The following LARGE1 variants were observed in gnomAD, a reference collection of about 807,000 sequenced individuals.
The protein encoded by LARGE1 is xylosyl- and glucuronyltransferase LARGE1.
LARGE1 carries 43 observed loss-of-function variants against 87.6 expected under a neutral mutation model. The ratio of observed to expected loss-of-function variants is 0.49; its 90% confidence interval spans 0.38 to 0.63. LARGE1 has a LOEUF of 0.63. LARGE1 is among the 30% of genes least tolerant of loss of function. The pLI, the probability that LARGE1 is intolerant of heterozygous loss-of-function variation, is 0.00. For synonymous variants in LARGE1, 434 were observed against 394.6 expected (o/e 1.10, Z -1.18); for missense variants, 802 against 1,000.2 (o/e 0.80, Z 2.67).
chr22:33,439,228 A>C (rs1225871345), intron 6 of LARGE1, among the ~76,000 whole-genome samples: 10 of 151,812 alleles, frequency 6.6e-5, no homozygotes, highest in Non-Finnish European at 1.5e-4. Flanking sequence ...AAAAAAAAAA[A>C]AGGATGACAG....
In LARGE1 at chr22:33,337,725, G is replaced by A; in HGVS notation, c.1208C>T (p.Thr403Ile). 1 of 1,614,170 alleles carries A rather than the reference G, an allele frequency of 6.2e-7. No individual in the cohort carries two copies. The highest frequency in any genetic ancestry group is 8.5e-7 in the Non-Finnish European group (1 of 1,180,034). ...HVEFFRNLYL[T>I]FLEYDGNLLR... ...AAGATTGCCGTCATACTCCAGGAAG[G>A]TCAGGTAGAGGTTGCGAAAAAACTC... Residue 403 changes from threonine to isoleucine, a missense_variant, in exon 10 of 15, where the codon ACC becomes ATC. Thr to Ile is a moderately conservative substitution (Grantham distance 89, BLOSUM62 -1). Around this residue, in one of 2 missense-constraint regions of LARGE1, gnomAD observed 625 missense variants for 841.9 expected, o/e 0.74. Coordinates refer to ENST00000397394, the MANE Select transcript of LARGE1 (RefSeq NM_133642.5).
At chr22:33,819,037 A>C (rs139414139) in intron 1 of LARGE1, among the ~76,000 whole-genome samples, 2,201 of 152,308 alleles carry the variant, frequency 0.014, 46 homozygotes, top group African/African-American at 0.051. Context: ...AATAAATACC[A>C]ACTGATGGCT....
In LARGE1 at chr22:33,432,154, G is replaced by A. The variant is rs1487597959; in HGVS notation, c.892+7C>T. On this transcript the variant is annotated splice_region_variant and intron_variant, in intron 7 of 14. Coordinates refer to ENST00000397394, the MANE Select transcript of LARGE1 (RefSeq NM_133642.5). Reference sequence around the variant, plus strand: ...GCAACTCTTCCCATACCACCCTGAGGATTTACCTGTGTTGTAGCCTCTTCC... The same window carrying A: ...GCAACTCTTCCCATACCACCCTGAGAATTTACCTGTGTTGTAGCCTCTTCC... 6.2e-7 allele frequency: 1 copy of A among 1,608,910 alleles called. No homozygotes were observed. The highest frequency in any genetic ancestry group is 1.1e-5 in the South Asian group (1 of 90,972).
chr22:33,664,980 A>G (rs867185411), intron 2 of LARGE1, among the ~76,000 whole-genome samples: 1 of 152,194 alleles, frequency 6.6e-6, no homozygotes, highest in African/African-American at 2.4e-5. Context: ...TTCCGACCTC[A>G]AAATGCTCCT....
chr22:33,128,680 C>CAAAAAAAAAAAAAAAAAAA, the LARGE1 span, among the ~76,000 whole-genome samples: 2 of 110,314 alleles, frequency 1.8e-5, no homozygotes, highest in African/African-American at 3.6e-5. Context: ...GTCTCAAAAA[C>CAAAAAAAAAAAAAAAAAAA]AAAAAAAAAA....
chr22:33,905,608 A>T (rs924267199), intron 1 of LARGE1, among the ~76,000 whole-genome samples: 1 of 152,262 alleles, frequency 6.6e-6, no homozygotes, highest in Non-Finnish European at 1.5e-5. Context: ...ATGTTATATT[A>T]TTCTCTCACA....
At chr22:33,162,521 T>C (rs1182406874) in exon 12 of LARGE1, 2 of 152,190 alleles carry the variant, frequency 1.3e-5, no homozygotes, top group Non-Finnish European at 2.9e-5. Flanking sequence ...GGTGAGAACA[T>C]AGCCAAACTA....
At chr22:33,750,321 T>C (rs1346335043) in intron 2 of LARGE1, among the ~76,000 whole-genome samples, 1 of 152,190 alleles carries the variant, frequency 6.6e-6, no homozygotes, top group Non-Finnish European at 1.5e-5. Flanking sequence ...GTTTTGCAGA[T>C]CTTTTCACTT....
the LARGE1 span, among the ~76,000 whole-genome samples, chr22:33,119,982 C>T: frequency 1.3e-5 from 2 of 151,660 alleles, no homozygotes; most frequent in Non-Finnish European, 2.9e-5. Context: ...TCCAAGATCT[C>T]AGAGAGATGT....
intron 9 of LARGE1, among the ~76,000 whole-genome samples, chr22:33,376,524 C>T (rs73403398): frequency 2.8e-3 from 420 of 152,180 alleles, no homozygotes; most frequent in African/African-American, 9.5e-3. Flanking sequence ...CAAACCAGGA[C>T]GAGAGTTGAT....
intron 9 of LARGE1, among the ~76,000 whole-genome samples, chr22:33,349,724 T>A (rs1940175862): frequency 6.6e-6 from 1 of 152,188 alleles, no homozygotes; most frequent in African/African-American, 2.4e-5. Flanking sequence ...GTGCCCTTTA[T>A]ACCAAGACAT....
intron 1 of LARGE1, among the ~76,000 whole-genome samples, chr22:33,866,725 T>C (rs978027958): frequency 2.6e-5 from 4 of 152,184 alleles, no homozygotes; most frequent in African/African-American, 9.6e-5. Context: ...ACCCTTATGG[T>C]GCACGGTGGA....
At chr22:33,602,051 A>C (rs1349367537) in intron 5 of LARGE1, among the ~76,000 whole-genome samples, 1 of 151,996 alleles carries the variant, frequency 6.6e-6, no homozygotes, top group Non-Finnish European at 1.5e-5. Context: ...CGGCCACACC[A>C]CCCGAGTGCA....
rs554155129 is a variant in LARGE1 at position 33,852,313 on chromosome 22, T to C, written c.-83+67682A>G. 8.7e-5 allele frequency among the ~76,000 whole-genome samples: 13 copies of C among 149,204 alleles called. No homozygotes were observed. The South Asian group carries it at 2.5e-3, about 29-fold the overall frequency. The stretch of plus-strand genomic sequence containing the variant: ...TGAAACCGATGCTCCCAGATGAAGT[T>C]TTTTTTTTCCTGCCATCAACTGTGG... On this transcript the variant is annotated intron_variant, in intron 1 of 14. Transcript: ENST00000397394.
intron 1 of LARGE1, among the ~76,000 whole-genome samples, chr22:33,898,930 C>T (rs1398493679): frequency 6.6e-6 from 1 of 152,204 alleles, no homozygotes; most frequent in Non-Finnish European, 1.5e-5. Flanking sequence ...AACAAGTCCT[C>T]ACGCAACTGT....
chr22:33,534,344 C>T (rs1207881627), intron 6 of LARGE1, among the ~76,000 whole-genome samples: 1 of 151,818 alleles, frequency 6.6e-6, no homozygotes, highest in Non-Finnish European at 1.5e-5. Context: ...GCGGAGCTTG[C>T]AGTGAGCGGA....
chr22:33,134,599 G>A, the LARGE1 span, among the ~76,000 whole-genome samples: 1 of 152,138 alleles, frequency 6.6e-6, no homozygotes, highest in Non-Finnish European at 1.5e-5. Context: ...TTAGGATAGT[G>A]GTCATACCTG....
intron 2 of LARGE1, among the ~76,000 whole-genome samples, chr22:33,654,835 T>A (rs1434812598): frequency 1.3e-5 from 2 of 152,202 alleles, no homozygotes; most frequent in East Asian, 3.9e-4. Context: ...CACAAGGAGC[T>A]TGGGTGAAGA....
intron 4 of LARGE1, among the ~76,000 whole-genome samples, chr22:33,622,286 T>C (rs1357298104): frequency 1.3e-5 from 2 of 152,176 alleles, no homozygotes; most frequent in African/African-American, 4.8e-5. Context: ...TCTCACCAGA[T>C]CTGATGGCTT....
Sources: gnomAD v4.1 joint callset for allele counts (sites outside exome capture counted in the v4.1 genomes callset) on GRCh38, gnomAD v4.1.1 for gene constraint, gnomAD v4.1.1 regional missense constraint, MANE v1.5 for transcripts, NCBI Gene and HGNC (gene_info 2026-07-23, HGNC 2026-07-21) for gene names.